DAPK2: variants seen among roughly 807,000 people sequenced by gnomAD.
The protein encoded by DAPK2 is death-associated protein kinase 2.
A neutral mutation model predicts 44.1 loss-of-function variants in DAPK2; 35 were observed. The ratio of observed to expected loss-of-function variants is 0.79; its 90% CI spans 0.61 to 1.05. The LOEUF is 1.05. DAPK2 is among the 50% of genes least tolerant of loss of function. DAPK2 has a pLI of 0.00. For missense variants in DAPK2, 453 were observed against 483.2 expected, an observed-to-expected ratio of 0.94 and a Z score of 0.59; for synonymous variants, 174 against 182.6, an observed-to-expected ratio of 0.95 and a Z score of 0.38.
chr15:64,009,550 G>A (rs982916166), intron 1 of DAPK2, among the ~76,000 whole-genome samples: 1 of 151,964 alleles, frequency 6.6e-6, no homozygotes, highest in African/African-American at 2.4e-5. Flanking sequence ...CCACCTCTGG[G>A]TTTCTGCTAG....
intron 1 of DAPK2, among the ~76,000 whole-genome samples, chr15:64,002,973 C>CGTGTGTGTGTGT (rs1567266632): frequency 4.4e-4 from 33 of 75,514 alleles, no homozygotes; most frequent in African/African-American, 1.9e-3. Context: ...TGTCGTGGGA[C>CGTGTGTGTGTGT]CTGTGTGTGT....
chr15:63,998,099 C>T (rs2140947305), intron 1 of DAPK2, among the ~76,000 whole-genome samples: 1 of 152,336 alleles, frequency 6.6e-6, no homozygotes, highest in South Asian at 2.1e-4. Flanking sequence ...ATTGGGAGAA[C>T]ACAGCACAGA....
At chr15:63,945,946 G>A (rs1300995758) in intron 3 of DAPK2, among the ~76,000 whole-genome samples, 1 of 152,186 alleles carries the variant, frequency 6.6e-6, no homozygotes, top group South Asian at 2.1e-4. Flanking sequence ...TGCCCTCTGG[G>A]GCAGTCCGAT....
Position 64,009,132 on chromosome 15 carries a change from T to C in DAPK2, c.93-25378A>G, listed in dbSNP as rs184424334. On this transcript the variant is annotated intron_variant, in intron 1 of 10. Coordinates refer to ENST00000261891, the Ensembl canonical transcript of DAPK2. ...TTTTACTGAAATTCTCTATATATTA[T>C]TCTCCCTTAGTAGACTGTAATTGTC... Among the ~76,000 whole-genome samples the C allele has an allele frequency of 2.5e-3, 382 of 152,258 alleles. 2 individuals are homozygous for C. The highest frequency in any genetic ancestry group is 0.014 in the Middle Eastern group (4 of 294).
At chr15:64,018,760 G>A (rs2079604340) in intron 1 of DAPK2, among the ~76,000 whole-genome samples, 1 of 152,216 alleles carries the variant, frequency 6.6e-6, no homozygotes, top group Admixed American at 6.5e-5. Flanking sequence ...CTCAGTCCTG[G>A]ATGGAGACGC....
At chr15:63,989,827 G>A (rs1228886679) in intron 1 of DAPK2, among the ~76,000 whole-genome samples, 1 of 152,010 alleles carries the variant, frequency 6.6e-6, no homozygotes, top group African/African-American at 2.4e-5. Flanking sequence ...AAGTAGCTGG[G>A]ATTACAGGTG....
At chr15:64,015,034 A>T (rs1288159390) in intron 1 of DAPK2, among the ~76,000 whole-genome samples, 1 of 151,934 alleles carries the variant, frequency 6.6e-6, no homozygotes, top group Non-Finnish European at 1.5e-5. Context: ...TGCTAAGAGG[A>T]GGTGGGCAGG....
At chr15:63,969,515 G>A (rs1424633105) in intron 3 of DAPK2, among the ~76,000 whole-genome samples, 3 of 149,646 alleles carry the variant, frequency 2.0e-5, no homozygotes, top group African/African-American at 4.9e-5. Flanking sequence ...TGAGGCGGGT[G>A]GACCACTTGA....
exon 8 of DAPK2, chr15:63,924,817 G>A (rs775505588): frequency 3.3e-5 from 53 of 1,614,062 alleles, no homozygotes; most frequent in African/African-American, 9.3e-5. Flanking sequence ...TGCCCTTACC[G>A]TGATCCAGGG....
intron 1 of DAPK2, among the ~76,000 whole-genome samples, chr15:63,995,719 C>T (rs186626742): frequency 3.3e-5 from 5 of 152,318 alleles, no homozygotes; most frequent in East Asian, 1.9e-4. Context: ...ACTCTTGCTC[C>T]GGGCAATGTC....
At chr15:63,913,453 T>A (rs906476269) in intron 8 of DAPK2, among the ~76,000 whole-genome samples, 1 of 152,206 alleles carries the variant, frequency 6.6e-6, no homozygotes, top group Non-Finnish European at 1.5e-5. Flanking sequence ...AAGGCCCCCA[T>A]GACCTCAAGA....
intron 1 of DAPK2, among the ~76,000 whole-genome samples, chr15:64,015,581 C>T (rs2079503871): frequency 6.6e-6 from 1 of 152,146 alleles, no homozygotes; most frequent in African/African-American, 2.4e-5. Context: ...ACCATGACCT[C>T]ATTTGGAAAA....
chr15:63,907,283 C>G (rs973207252), exon 11 of DAPK2: 3 of 152,094 alleles, frequency 2.0e-5, no homozygotes, highest in African/African-American at 7.2e-5. Context: ...TTCTAAAGAC[C>G]CCATCTCCAA....
intron 1 of DAPK2, among the ~76,000 whole-genome samples, chr15:63,988,791 C>T (rs1161313640): frequency 6.6e-6 from 1 of 151,996 alleles, no homozygotes; most frequent in African/African-American, 2.4e-5. Flanking sequence ...CAGGCATGAG[C>T]CACCGCGCCC....
intron 3 of DAPK2, among the ~76,000 whole-genome samples, chr15:63,970,682 C>T (rs1417695623): frequency 6.6e-6 from 1 of 152,154 alleles, no homozygotes; most frequent in Non-Finnish European, 1.5e-5. Context: ...GAAGGGATCT[C>T]CCCAGCAAAC....
intron 1 of DAPK2, among the ~76,000 whole-genome samples, chr15:64,034,202 G>A (rs907267013): frequency 2.2e-4 from 11 of 49,030 alleles, no homozygotes; most frequent in Non-Finnish European, 5.8e-4. Context: ...GCTAGACTGG[G>A]CTATTGAACC....
intron 1 of DAPK2, among the ~76,000 whole-genome samples, chr15:63,995,887 C>G (rs774019794): frequency 6.6e-6 from 1 of 152,244 alleles, no homozygotes; most frequent in Non-Finnish European, 1.5e-5. Context: ...CCAAATTATT[C>G]AGCATGTGTG....
chr15:63,957,445 A>G (rs1034442145), intron 3 of DAPK2, among the ~76,000 whole-genome samples: 2 of 151,420 alleles, frequency 1.3e-5, no homozygotes, highest in Admixed American at 6.6e-5. Flanking sequence ...CCATGTTGGT[A>G]TGCTGCACCC....
chr15:63,931,056 C>A (rs2079536535), intron 4 of DAPK2, among the ~76,000 whole-genome samples: 1 of 151,858 alleles, frequency 6.6e-6, no homozygotes, highest in African/African-American at 2.4e-5. Context: ...CAGAGTGAGA[C>A]CCATCTTAAA....
Sources: gnomAD v4.1 joint callset for allele counts (sites outside exome capture counted in the v4.1 genomes callset) on GRCh38, gnomAD v4.1.1 for gene constraint, MANE v1.5 for transcripts, NCBI Gene and HGNC (gene_info 2026-07-23, HGNC 2026-07-21) for gene names.